PTPRA: variants seen among roughly 807,000 people sequenced by gnomAD.
PTPRA encodes receptor-type tyrosine-protein phosphatase alpha.
PTPRA carries 25 observed loss-of-function variants against 104.8 expected under a neutral mutation model. The ratio of observed to expected loss-of-function variants is 0.24; its 90% CI spans 0.17 to 0.33. The LOEUF (loss-of-function observed/expected upper bound fraction) is 0.33. Ranked by LOEUF, PTPRA falls within the 10% of genes least tolerant of loss-of-function variation. The probability of loss-of-function intolerance (pLI) is 1.00; values close to 1 mark genes in which losing one functional copy is unlikely to be tolerated. For missense variants in PTPRA, 765 were observed against 1,015.3 expected (o/e 0.75, Z 3.35); for synonymous variants, 323 against 368.9 (o/e 0.88, Z 1.43).
intron 11 of PTPRA, among the ~76,000 whole-genome samples, chr20:3,012,604 A>C (rs2064226633): frequency 6.6e-6 from 1 of 152,272 alleles, no homozygotes; most frequent in Admixed American, 6.5e-5. Flanking sequence ...GAGAAGGCAA[A>C]GATAAAGCAT....
rs1343484618 is a variant in PTPRA, at chr20:2,998,918, CAT to C, written c.739-6135_739-6134del. On this transcript the variant is annotated intron_variant, in intron 9 of 23. Coordinates refer to ENST00000399903, the MANE Select transcript of PTPRA (RefSeq NM_001385305.1). ...TATATTATAGAATTAATAAATATGACATATTTATAATTTATTATATATGACAT... is the reference window on the plus strand; with the variant it reads ...TATATTATAGAATTAATAAATATGACATTTATAATTTATTATATATGACAT... 1.4e-4 allele frequency among the ~76,000 whole-genome samples: 17 copies of C among 117,246 alleles called. No individual in the cohort carries two copies. The East Asian group carries it at 2.5e-3, about 17-fold the overall frequency. The allele number at this position is 117,246 out of a possible 152,430, so 76.9% of individuals were successfully genotyped here. A position where few individuals can be genotyped will look rare whatever the true frequency, so the allele number is the denominator to read the frequency against.
chr20:2,978,899 G>T (rs1342619725), intron 6 of PTPRA, among the ~76,000 whole-genome samples: 2 of 152,202 alleles, frequency 1.3e-5, no homozygotes, highest in African/African-American at 4.8e-5. Flanking sequence ...TCTAGGCAAA[G>T]AACTGCCTGA....
intron 1 of PTPRA, among the ~76,000 whole-genome samples, chr20:2,900,597 T>A (rs2059193160): frequency 6.6e-6 from 1 of 152,184 alleles, no homozygotes; most frequent in South Asian, 2.1e-4. Flanking sequence ...GGCTCATGCC[T>A]GTAATCCCAG....
At chr20:2,865,170 T>C in the PTPRA span, 1 of 1,614,082 alleles carries the variant, frequency 6.2e-7, no homozygotes, top group East Asian at 2.2e-5. The surrounding 1 kb of genome is among the most constrained non-coding windows in gnomAD (Gnocchi z 5.2). Context: ...CAAATGCGGC[T>C]CCTACGGCTG....
chr20:3,001,418 T>A (rs2063618539), intron 9 of PTPRA, among the ~76,000 whole-genome samples: 1 of 152,216 alleles, frequency 6.6e-6, no homozygotes, highest in African/African-American at 2.4e-5. Context: ...TGAGATGTAG[T>A]CTTTGTTATT....
chr20:2,884,267 G>A (rs1368785039), intron 1 of PTPRA, among the ~76,000 whole-genome samples: 2 of 152,092 alleles, frequency 1.3e-5, no homozygotes, highest in Non-Finnish European at 2.9e-5. Context: ...ATACCTAGGA[G>A]TAGGATTGCT....
chr20:2,934,251 TGCCACTACACCCA>T (rs1157866125), intron 2 of PTPRA, among the ~76,000 whole-genome samples: 1 of 152,062 alleles, frequency 6.6e-6, no homozygotes, highest in Non-Finnish European at 1.5e-5. Flanking sequence ...ACTACAGAAG[TGCCACTACACCCA>T]GCTAATTTTT....
intron 20 of PTPRA, among the ~76,000 whole-genome samples, chr20:3,034,363 GCA>G (rs2065693718): frequency 6.6e-6 from 1 of 152,060 alleles, no homozygotes. Flanking sequence ...AATTCCTCCA[GCA>G]CACACACACT....
intron 4 of PTPRA, among the ~76,000 whole-genome samples, 193 bp from the exon 5 acceptor site, chr20:2,964,668 C>T (rs1301423243): frequency 6.6e-6 from 1 of 151,922 alleles, no homozygotes; most frequent in African/African-American, 2.4e-5. Context: ...TCCCTTAAAC[C>T]GTAGTCCTTT....
At chr20:2,912,496 C>G (rs571337155) in intron 1 of PTPRA, among the ~76,000 whole-genome samples, 1 of 152,064 alleles carries the variant, frequency 6.6e-6, no homozygotes, top group Non-Finnish European at 1.5e-5. Context: ...TGGTGGCTCA[C>G]GCCCGTAGTC....
intron 5 of PTPRA, among the ~76,000 whole-genome samples, chr20:2,971,310 T>G (rs980113507): frequency 6.6e-6 from 1 of 152,094 alleles, no homozygotes; most frequent in South Asian, 2.1e-4. Flanking sequence ...TTTTCTGAAG[T>G]CTTTTTTTTT....
intron 10 of PTPRA, among the ~76,000 whole-genome samples, chr20:3,006,228 A>T (rs1000480564): frequency 6.6e-6 from 1 of 152,116 alleles, no homozygotes; most frequent in Admixed American, 6.6e-5. Flanking sequence ...AGACAGGGCC[A>T]CCCAAGCTGG....
intron 20 of PTPRA, among the ~76,000 whole-genome samples, chr20:3,029,115 G>GGT (rs1568708123): frequency 2.1e-4 from 29 of 141,118 alleles, no homozygotes; most frequent in East Asian, 1.9e-3. Flanking sequence ...ATTACATCAG[G>GGT]ATTTTTTTTT....
intron 1 of PTPRA, among the ~76,000 whole-genome samples, chr20:2,897,281 A>G (rs2059036763): frequency 6.6e-6 from 1 of 151,936 alleles, no homozygotes; most frequent in Non-Finnish European, 1.5e-5. Context: ...TGCTAGTTTT[A>G]CCATCCATTG....
chr20:2,866,783 G>T, the PTPRA span: 1 of 693,632 alleles, frequency 1.4e-6, no homozygotes. Flanking sequence ...CTCAAGACAG[G>T]ATCCTCCAGA....
intron 9 of PTPRA, among the ~76,000 whole-genome samples, chr20:3,002,271 T>G: frequency 6.6e-6 from 1 of 151,950 alleles, no homozygotes; most frequent in East Asian, 1.9e-4. Context: ...CATTTCTGCC[T>G]CTTGCTCTTC....
chr20:3,007,534 C>A, intron 11 of PTPRA, 114 bp downstream of exon 11: 1 of 1,210,644 alleles, frequency 8.3e-7, no homozygotes, highest in Non-Finnish European at 1.2e-6. Flanking sequence ...TTTTCCCTGA[C>A]AAGTCTGGTT....
At position 3,027,156 on chromosome 20, in the gene PTPRA, G is replaced by A. The variant is rs1376410600; in HGVS notation, c.1744G>A (p.Gly582Ser). Residue 582 changes from glycine (G) to serine (S), a missense_variant, in exon 19 of 24, where the codon GGC becomes AGC. By Grantham distance (56) the Gly-to-Ser change is moderately conservative. Coordinates refer to ENST00000399903, the MANE Select transcript of PTPRA (RefSeq NM_001385305.1). ...CAGAGTGATCATTCCAGTTAAGCGGGGCGAAGAGAATACAGACTATGTGAA... is the reference window on the plus strand; with the variant it reads ...CAGAGTGATCATTCCAGTTAAGCGGAGCGAAGAGAATACAGACTATGTGAA... ...FNRVIIPVKR[G>S]EENTDYVNAS... The A allele has an allele frequency of 6.2e-7, 1 of 1,614,164 alleles. No individual in the cohort carries two copies. The highest frequency in any genetic ancestry group is 1.3e-5 in the African/African-American group (1 of 75,036).
At chr20:2,964,740 G>A (rs2061884422) in intron 4 of PTPRA, 121 bp from the exon 5 acceptor site, 1 of 846,130 alleles carries the variant, frequency 1.2e-6, no homozygotes, top group South Asian at 1.8e-5. Flanking sequence ...TGTTGAGGGG[G>A]ATTGGTCTTT....
Sources: gnomAD v4.1 joint callset for allele counts (sites outside exome capture counted in the v4.1 genomes callset) on GRCh38, gnomAD v4.1.1 for gene constraint, Gnocchi (gnomAD v3.1) non-coding constraint, MANE v1.5 for transcripts, NCBI Gene and HGNC (gene_info 2026-07-23, HGNC 2026-07-21) for gene names.